AAAS: variants seen among roughly 807,000 people sequenced by gnomAD.
The protein encoded by AAAS is aladin WD repeat nucleoporin.
AAAS carries 60 observed loss-of-function variants against 75.6 expected under a neutral mutation model. That is an observed-to-expected ratio of 0.79 (90% CI 0.64 to 0.98). The LOEUF is 0.98. AAAS is among the 50% of genes least tolerant of loss of function. AAAS has a pLI of 0.00. For missense variants in AAAS, 658 were observed against 686.9 expected, an observed-to-expected ratio of 0.96 and a Z score of 0.47; for synonymous variants, 271 against 265.0, an observed-to-expected ratio of 1.02 and a Z score of -0.22.
In AAAS at chr12:53,309,002, C is replaced by T. The variant is rs748177964; in HGVS notation, c.954G>A (p.Met318Ile). 5 of 1,614,234 alleles carry T rather than the reference C, an allele frequency of 3.1e-6. No homozygotes were observed. Among genetic ancestry groups the T allele is most frequent in the Non-Finnish European group, 4.2e-6 (5 of 1,180,034 alleles). The change falls in exon 10 of 16, where the codon ATG (methionine) becomes ATA (isoleucine). Residue 318 changes from methionine to isoleucine, a missense_variant. Physicochemically the swap from Met to Ile is conservative, Grantham distance 10 (BLOSUM62 1). Coordinates refer to ENST00000209873, the MANE Select transcript of AAAS (RefSeq NM_015665.6). ...GAGTAGGCCACCTCTCACAAGTCCA[C>T]ATCTGGGCCTCCCAGACTCTGAGCC... Reference protein sequence around the residue: ...SAVFRVWEAQMWTCERWPTLS... With the variant: ...SAVFRVWEAQIWTCERWPTLS...
rs1405946513 is a variant in AAAS, at chr12:53,308,964, C to G, written c.992G>C (p.Cys331Ser). 7 of 1,614,226 alleles carry G rather than the reference C, an allele frequency of 4.3e-6. No individual in the cohort carries two copies. The highest frequency in any genetic ancestry group is 5.1e-6 in the Non-Finnish European group (6 of 1,180,036). Reference protein sequence around the residue: ...CERWPTLSGRCQTGCWSPDGS... With the variant: ...CERWPTLSGRSQTGCWSPDGS... ...TGAATCAGAGTCCCCTCTTACCTGA[C>G]AGCGCCCTGATAGAGTAGGCCACCT... is the stretch of plus-strand genomic sequence containing the variant. The change falls in exon 10 of 16, where the codon TGT (cysteine) becomes TCT (serine). Residue 331 changes from cysteine (C) to serine (S), a missense_variant. Cys to Ser is a moderately radical substitution (Grantham distance 112). Coordinates refer to ENST00000209873, the MANE Select transcript of AAAS (RefSeq NM_015665.6).
intron 7 of AAAS, among the ~76,000 whole-genome samples, chr12:53,312,566 A>AG (rs1944404985): frequency 5.2e-4 from 1 of 1,932 alleles, no homozygotes; most frequent in Admixed American, 0.038. Context: ...ACTCCTTCTC[A>AG]AAAAAAAAAA....
At chr12:53,310,316 T>C (rs1358300345) in intron 7 of AAAS, among the ~76,000 whole-genome samples, 2 of 152,172 alleles carry the variant, frequency 1.3e-5, no homozygotes, top group Non-Finnish European at 2.9e-5. Flanking sequence ...TCCCAGCACT[T>C]TGGGAGGCCG....
intron 13 of AAAS, 48 bp downstream of exon 13, chr12:53,308,234 T>G: frequency 6.2e-7 from 1 of 1,613,174 alleles, no homozygotes; most frequent in Non-Finnish European, 8.5e-7. Context: ...CTCATTAGAT[T>G]AACTGGGAAG....
chr12:53,319,817 A>AGG (rs1944524313), intron 2 of AAAS, among the ~76,000 whole-genome samples: 2 of 137,348 alleles, frequency 1.5e-5, no homozygotes, highest in Non-Finnish European at 3.2e-5. Flanking sequence ...AAAAAAAAAA[A>AGG]AAAAAAAAGA....
At chr12:53,309,966 GAA>G in intron 7 of AAAS, 2 of 580,052 alleles carry the variant, frequency 3.4e-6, no homozygotes, top group Non-Finnish European at 6.0e-6. Context: ...AGGCCAGGGT[GAA>G]AGAGTGCTTT....
At chr12:53,309,909 AG>A in intron 7 of AAAS, 188 bp from the exon 8 acceptor site, 1 of 840,578 alleles carries the variant, frequency 1.2e-6, no homozygotes, top group Admixed American at 2.3e-5. Context: ...AAAACGACCA[AG>A]TCACCACGAG....
chr12:53,321,041 G>A (rs373952405), intron 1 of AAAS: 46 of 550,618 alleles, frequency 8.4e-5, no homozygotes, highest in East Asian at 7.1e-4. Flanking sequence ...GTATCCTTCT[G>A]ATCCTCCCCA....
rs765685346 is a variant in AAAS, at chr12:53,308,146, G to C, written c.1250-13C>G. ...ACCCTTGGCTTTCCTGTAAGAAATGGATCCAGGGATAGGGGAGGAACTCTG... is the reference window on the plus strand; with the variant it reads ...ACCCTTGGCTTTCCTGTAAGAAATGCATCCAGGGATAGGGGAGGAACTCTG... On this transcript the variant is annotated splice_polypyrimidine_tract_variant and intron_variant, in intron 13 of 15. Transcript: ENST00000209873. 1.9e-6 allele frequency: 3 copies of C among 1,614,076 alleles called. No homozygotes were observed. The highest frequency in any genetic ancestry group is 2.5e-6 in the Non-Finnish European group (3 of 1,179,894).
chr12:53,315,912 A>G, intron 2 of AAAS, 130 bp from the exon 3 acceptor site: 1 of 1,004,358 alleles, frequency 1.0e-6, no homozygotes, highest in Non-Finnish European at 1.5e-6. Flanking sequence ...ACTATGTACC[A>G]GGCACTCTAC....
intron 11 of AAAS, 60 bp from the exon 12 acceptor site, chr12:53,308,588 G>A (rs1017860111): frequency 3.1e-5 from 50 of 1,603,334 alleles, no homozygotes; most frequent in East Asian, 1.3e-4. Flanking sequence ...CTGGTCCCCT[G>A]CCAGCTCACC....
At chr12:53,317,093 AAATAAT>A (rs1202635029) in intron 2 of AAAS, among the ~76,000 whole-genome samples, 1 of 151,814 alleles carries the variant, frequency 6.6e-6, no homozygotes, top group Non-Finnish European at 1.5e-5. Context: ...CTGTCTCAAA[AAATAAT>A]AATAATAATA....
chr12:53,312,269 A>G (rs1454531580), intron 7 of AAAS, among the ~76,000 whole-genome samples: 1 of 150,384 alleles, frequency 6.6e-6, no homozygotes, highest in Non-Finnish European at 1.5e-5. Flanking sequence ...GGTAACTTAT[A>G]TTTTGCTAGA....
intron 12 of AAAS, 22 bp from the exon 13 acceptor site, chr12:53,308,371 G>A: frequency 1.2e-6 from 2 of 1,614,160 alleles, no homozygotes; most frequent in Non-Finnish European, 1.7e-6. Flanking sequence ...GACAGGTTAG[G>A]AGAGTTTCAG....
At chr12:53,314,957 T>C in intron 5 of AAAS, 108 bp from the exon 6 acceptor site, 1 of 1,490,282 alleles carries the variant, frequency 6.7e-7, no homozygotes, top group Non-Finnish European at 9.3e-7. Flanking sequence ...TTTTCTTGTA[T>C]TCTTTTTTGG....
chr12:53,307,736 G>A, intron 15 of AAAS, 23 bp from the exon 16 acceptor site: 1 of 1,613,922 alleles, frequency 6.2e-7, no homozygotes, highest in Non-Finnish European at 8.5e-7. Flanking sequence ...GAAAGAAAAG[G>A]ATCAGAGTCT....
chr12:53,321,529 C>G lies in AAAS; in HGVS notation c.-64G>C. On this transcript the variant is annotated 5_prime_UTR_variant, in exon 1 of 16. Coordinates refer to ENST00000209873, the MANE Select transcript of AAAS (RefSeq NM_015665.6). ...TGGCCGGAACGGCACAGACCGCACT[C>G]CCGCAACTCGGTTCCCGGGCTAGAT... is the stretch of plus-strand genomic sequence containing the variant. 1.2e-6 allele frequency: 2 copies of G among 1,610,406 alleles called. No homozygotes were observed. The highest frequency in any genetic ancestry group is 1.1e-5 in the South Asian group (1 of 91,004).
chr12:53,309,474 C>T lies in AAAS; in HGVS notation c.810+127G>A, dbSNP rs1488413492. On this transcript the variant is annotated intron_variant, in intron 8 of 15. Transcript: ENST00000209873. ...CCTCACGAGTCTGATGGCAAAGCTC[C>T]TCTCTGGGTAAGTTTAAGACTGAAT... The T allele has an allele frequency of 5.1e-6, 8 of 1,558,734 alleles. No individual in the cohort carries two copies. The East Asian group carries it at 1.4e-4, about 27-fold the overall frequency.
intron 7 of AAAS, among the ~76,000 whole-genome samples, chr12:53,311,615 T>TA (rs1482581527): frequency 2.0e-5 from 3 of 150,856 alleles, no homozygotes; most frequent in Non-Finnish European, 4.4e-5. Context: ...ACCCCATCTC[T>TA]AAAAAAACCA....
Sources: allele counts gnomAD v4.1 joint callset (sites outside exome capture counted in the v4.1 genomes callset), GRCh38; gene constraint gnomAD v4.1.1; transcripts MANE v1.5; gene names NCBI Gene and HGNC (gene_info 2026-07-23, HGNC 2026-07-21).